IL1R1: variants seen among roughly 807,000 people sequenced by gnomAD.
IL1R1 encodes the protein interleukin-1 receptor type 1.
A neutral mutation model predicts 50.2 loss-of-function variants in IL1R1; 22 were observed. That is an observed-to-expected ratio of 0.44 (90% CI 0.31 to 0.63). The LOEUF is 0.63. Among genes scored for constraint, IL1R1 ranks in the 20% least tolerant of loss-of-function variants. IL1R1 has a pLI of 0.07. For synonymous variants in IL1R1, 251 were observed against 236.7 expected (o/e 1.06, Z -0.55); for missense variants, 509 against 676.2 (o/e 0.75, Z 2.74).
In IL1R1 at chr2:102,167,057, A is replaced by G. The variant is rs1396031397; in HGVS notation, c.655+776A>G. On this transcript the variant is annotated intron_variant, in intron 6 of 11. Transcript: ENST00000410023. Reference sequence around the variant, plus strand: ...AGATTTTGTAAGATTTATGTAATAAAATAAGAGTTATTCCAATCAGAACTT... The same window carrying G: ...AGATTTTGTAAGATTTATGTAATAAGATAAGAGTTATTCCAATCAGAACTT... Among the ~76,000 whole-genome samples, 4 of 152,176 alleles carry G rather than the reference A, an allele frequency of 2.6e-5. No homozygotes were observed. In the East Asian group the frequency reaches 5.8e-4, roughly 22 times the overall value.
intron 1 of IL1R1, among the ~76,000 whole-genome samples, chr2:102,085,320 A>C (rs1679387305): frequency 6.6e-6 from 1 of 152,112 alleles, no homozygotes; most frequent in African/African-American, 2.4e-5. Flanking sequence ...TCTCCTGTGC[A>C]TTTCTTTAAA....
chr2:102,122,253 C>T lies in IL1R1; in HGVS notation c.-84+17381C>T, dbSNP rs568611123. Among the ~76,000 whole-genome samples the T allele has an allele frequency of 4.5e-4, 69 of 152,248 alleles. No individual in the cohort carries two copies. In the Middle Eastern group the frequency reaches 0.01, roughly 23 times the overall value. ...TGGCAGTTATAGATGTAATTTTCCA[C>T]GAATAAGGCAGAATTGCATTCCACG... is the stretch of plus-strand genomic sequence containing the variant. On this transcript the variant is annotated intron_variant, in intron 1 of 10. Coordinates refer to the IL1R1 transcript ENST00000409329.
intron 1 of IL1R1, among the ~76,000 whole-genome samples, chr2:102,089,834 CTTT>C (rs36099195): frequency 3.0e-5 from 4 of 134,220 alleles, no homozygotes; most frequent in Admixed American, 7.4e-5. Flanking sequence ...TTTGGTTTAT[CTTT>C]TTTTTTTTTT....
intron 1 of IL1R1, among the ~76,000 whole-genome samples, chr2:102,077,366 C>T (rs573810915): frequency 2.6e-5 from 4 of 152,298 alleles, no homozygotes; most frequent in African/African-American, 4.8e-5. Context: ...CCGTGGCACC[C>T]GGCCGAAGTT....
chr2:102,138,599 G>C (rs1017721847), upstream of IL1R1, among the ~76,000 whole-genome samples: 1 of 152,200 alleles, frequency 6.6e-6, no homozygotes, highest in Non-Finnish European at 1.5e-5. Context: ...ATTGCCTAGG[G>C]AAAGGGAGAG....
In IL1R1 at chr2:102,115,688, G is replaced by A. The variant is rs114252620; in HGVS notation, c.-84+10816G>A. Among the ~76,000 whole-genome samples the A allele has an allele frequency of 2.1e-3, 326 of 152,288 alleles. 1 individual carries two copies. Among genetic ancestry groups the A allele is most frequent in the African/African-American group, 7.5e-3 (310 of 41,568 alleles). ...AGAAGTGGTGCAGTATTTGGGATAGGCCTTGGAGGGGGGAGAAGGCGGAAG... is the reference window on the plus strand; with the variant it reads ...AGAAGTGGTGCAGTATTTGGGATAGACCTTGGAGGGGGGAGAAGGCGGAAG... On this transcript the variant is annotated intron_variant, in intron 1 of 10. Coordinates refer to the IL1R1 transcript ENST00000409329.
At chr2:102,119,717 T>C (rs1310203764) in intron 1 of IL1R1, among the ~76,000 whole-genome samples, 1 of 152,080 alleles carries the variant, frequency 6.6e-6, no homozygotes, top group Non-Finnish European at 1.5e-5. Context: ...ACATGAGGAT[T>C]TGTTGTATGT....
intron 1 of IL1R1, among the ~76,000 whole-genome samples, chr2:102,099,128 G>T (rs898665966): frequency 6.6e-6 from 1 of 152,164 alleles, no homozygotes; most frequent in African/African-American, 2.4e-5. Flanking sequence ...TAGAGTAAAA[G>T]AGAAGAAAAA....
At chr2:102,121,224 T>C (rs1681388228) in intron 1 of IL1R1, among the ~76,000 whole-genome samples, 1 of 152,188 alleles carries the variant, frequency 6.6e-6, no homozygotes, top group South Asian at 2.1e-4. Context: ...CCATGGACTT[T>C]GCTGTTGCCT....
chr2:102,078,079 G>C (rs2104281187), intron 1 of IL1R1, among the ~76,000 whole-genome samples: 1 of 152,070 alleles, frequency 6.6e-6, no homozygotes, highest in Middle Eastern at 3.4e-3. Context: ...GCTATACATA[G>C]AGAAAAAATT....
intron 1 of IL1R1, among the ~76,000 whole-genome samples, chr2:102,088,671 T>C (rs1351916254): frequency 2.6e-5 from 4 of 152,232 alleles, no homozygotes; most frequent in African/African-American, 9.6e-5. Context: ...TGACTTCTTT[T>C]CTCCACTATA....
At chr2:102,110,566 C>T (rs1680699666) in intron 1 of IL1R1, among the ~76,000 whole-genome samples, 1 of 151,058 alleles carries the variant, frequency 6.6e-6, no homozygotes, top group African/African-American at 2.4e-5. Context: ...AAGGAGAAAG[C>T]TGCAAACTTA....
chr2:102,095,690 A>C (rs879937745), intron 1 of IL1R1, among the ~76,000 whole-genome samples: 6 of 152,216 alleles, frequency 3.9e-5, no homozygotes, highest in Admixed American at 3.9e-4. Context: ...GCATATAAAA[A>C]ATACATTATT....
In IL1R1 at chr2:102,157,795, G is replaced by A; in HGVS notation, c.61+10G>A. 6.4e-7 allele frequency: 1 copy of A among 1,560,938 alleles called. No homozygotes were observed. Among genetic ancestry groups the A allele is most frequent in the East Asian group, 2.2e-5 (1 of 44,646 alleles). ...TCTTCTCTGGAGGCTGGTAAGTTAA[G>A]TATTTCTTTGTGTTCTTGTCTGCTA... On this transcript the variant is annotated intron_variant, in intron 3 of 11. Coordinates refer to ENST00000410023, the MANE Select transcript of IL1R1 (RefSeq NM_000877.4).
intron 1 of IL1R1, among the ~76,000 whole-genome samples, chr2:102,075,947 A>T (rs1479680561): frequency 6.6e-6 from 1 of 152,196 alleles, no homozygotes; most frequent in African/African-American, 2.4e-5. Flanking sequence ...CTTATTACAG[A>T]CTAATTTCAA....
At chr2:102,151,908 CAG>C (rs1439805804) in intron 1 of IL1R1, among the ~76,000 whole-genome samples, 2 of 152,130 alleles carry the variant, frequency 1.3e-5, no homozygotes, top group Non-Finnish European at 2.9e-5. Flanking sequence ...GCGCTGGACA[CAG>C]AGCCAGCTGA....
At chr2:102,144,260 G>A (rs1367862359) in intron 1 of IL1R1, among the ~76,000 whole-genome samples, 1 of 152,204 alleles carries the variant, frequency 6.6e-6, no homozygotes, top group Non-Finnish European at 1.5e-5. Context: ...GGGCAGGGGT[G>A]TGGAACTCTG....
upstream of IL1R1, among the ~76,000 whole-genome samples, chr2:102,140,572 G>A (rs556343175): frequency 1.3e-5 from 2 of 152,362 alleles, no homozygotes; most frequent in South Asian, 2.1e-4. Context: ...CAATGTCAGT[G>A]TAAGCAGTAG....
chr2:102,155,772 G>A (rs1242176196), intron 2 of IL1R1, among the ~76,000 whole-genome samples: 1 of 152,194 alleles, frequency 6.6e-6, no homozygotes, highest in Non-Finnish European at 1.5e-5. Flanking sequence ...AGGAGGATGA[G>A]GTCTGACATC....
Sources: allele counts gnomAD v4.1 joint callset (sites outside exome capture counted in the v4.1 genomes callset), GRCh38; gene constraint gnomAD v4.1.1; transcripts MANE v1.5; gene names NCBI Gene and HGNC (gene_info 2026-07-23, HGNC 2026-07-21).